Variants in LOC400499 observed in about 807,000 individuals in gnomAD.
chr16:11,414,334 C>T, the LOC400499 span: 5 of 399,374 alleles, frequency 1.3e-5, no homozygotes, highest in South Asian at 1.3e-4. Flanking sequence ...GCTCCATCCA[C>T]TCCTTACCTG....
the LOC400499 span, among the ~76,000 whole-genome samples, chr16:11,466,398 T>C: frequency 1.3e-4 from 20 of 152,164 alleles, no homozygotes; most frequent in Admixed American, 1.3e-3. Flanking sequence ...TTTAGATTTT[T>C]TTTTTTTGAG....
At chr16:11,426,347 AC>A in the LOC400499 span, among the ~76,000 whole-genome samples, 3 of 151,356 alleles carry the variant, frequency 2.0e-5, no homozygotes, top group Non-Finnish European at 4.4e-5. Context: ...AAAGTAGGAG[AC>A]TCGCTTGAAA....
At chr16:11,452,782 T>A in the LOC400499 span, among the ~76,000 whole-genome samples, 2 of 152,226 alleles carry the variant, frequency 1.3e-5, no homozygotes, top group African/African-American at 4.8e-5. Flanking sequence ...CCAGTTCTTC[T>A]CCATGCCCTT....
the LOC400499 span, among the ~76,000 whole-genome samples, chr16:11,478,917 T>C: frequency 5.3e-5 from 8 of 152,210 alleles, no homozygotes; most frequent in Admixed American, 2.0e-4. Context: ...GGGGTTTCTC[T>C]GCACAAGCTC....
the LOC400499 span, among the ~76,000 whole-genome samples, chr16:11,385,759 A>AGAAG: frequency 6.6e-6 from 1 of 152,254 alleles, no homozygotes; most frequent in Admixed American, 6.5e-5. Flanking sequence ...AGCCATGGAC[A>AGAAG]GAAGGCAGAT....
the LOC400499 span, among the ~76,000 whole-genome samples, chr16:11,506,935 C>G: frequency 6.6e-6 from 1 of 152,216 alleles, no homozygotes; most frequent in African/African-American, 2.4e-5. Flanking sequence ...TTTCTAGCAA[C>G]AGGGTCCTCA....
At chr16:11,405,829 G>T in the LOC400499 span, among the ~76,000 whole-genome samples, 1 of 152,152 alleles carries the variant, frequency 6.6e-6, no homozygotes, top group African/African-American at 2.4e-5. Context: ...AAGGCTTCTA[G>T]TAGCAGATAG....
the LOC400499 span, among the ~76,000 whole-genome samples, chr16:11,506,099 T>C: frequency 1.3e-5 from 2 of 151,980 alleles, no homozygotes; most frequent in Non-Finnish European, 2.9e-5. Flanking sequence ...TGCAGTGGAG[T>C]GATCTCGGCT....
At chr16:11,422,126 G>T in the LOC400499 span, among the ~76,000 whole-genome samples, 1 of 152,184 alleles carries the variant, frequency 6.6e-6, no homozygotes, top group South Asian at 2.1e-4. Context: ...AGCAGGCTGG[G>T]TACATGGCCC....
chr16:11,434,083 G>A, the LOC400499 span, among the ~76,000 whole-genome samples: 7 of 152,154 alleles, frequency 4.6e-5, no homozygotes, highest in Non-Finnish European at 1.0e-4. Context: ...AGGAACCTGA[G>A]TGAGGGGGAG....
At chr16:11,402,289 C>A in the LOC400499 span, 2 of 397,612 alleles carry the variant, frequency 5.0e-6, no homozygotes, top group East Asian at 3.6e-5. Flanking sequence ...GGGGGCCACA[C>A]AGCCAGATAA....
the LOC400499 span, among the ~76,000 whole-genome samples, chr16:11,434,097 C>T: frequency 1.3e-5 from 2 of 152,098 alleles, no homozygotes; most frequent in African/African-American, 4.8e-5. Flanking sequence ...GGGGGAGGAT[C>T]CCTCCTCCAG....
the LOC400499 span, among the ~76,000 whole-genome samples, chr16:11,438,780 T>C: frequency 6.6e-6 from 1 of 151,210 alleles, no homozygotes; most frequent in Non-Finnish European, 1.5e-5. Context: ...CAGAGTGAGA[T>C]CCTGTCTCAA....
the LOC400499 span, chr16:11,446,816 C>T: frequency 6.5e-7 from 1 of 1,536,134 alleles, no homozygotes; most frequent in East Asian, 2.4e-5. Flanking sequence ...TTCAGGACAA[C>T]CCTAGTCTCC....
the LOC400499 span, among the ~76,000 whole-genome samples, chr16:11,378,040 C>T: frequency 6.6e-6 from 1 of 151,976 alleles, no homozygotes; most frequent in African/African-American, 2.4e-5. Flanking sequence ...ATTCCTTCTC[C>T]TATCTTTGGG....
chr16:11,394,412 C>T, the LOC400499 span, among the ~76,000 whole-genome samples: 5 of 152,306 alleles, frequency 3.3e-5, no homozygotes, highest in East Asian at 9.6e-4. Flanking sequence ...AGCTGTGCAC[C>T]CTTCAGTAAG....
the LOC400499 span, among the ~76,000 whole-genome samples, chr16:11,434,458 CA>C: frequency 6.6e-6 from 1 of 152,084 alleles, no homozygotes. Context: ...GGCAGTCTCG[CA>C]CACTTAACAT....
the LOC400499 span, among the ~76,000 whole-genome samples, chr16:11,481,752 C>G: frequency 6.6e-6 from 1 of 152,150 alleles, no homozygotes; most frequent in Non-Finnish European, 1.5e-5. Flanking sequence ...CCTGCCTCAG[C>G]CTCCAGAATA....
the LOC400499 span, among the ~76,000 whole-genome samples, chr16:11,480,011 G>A: frequency 2.0e-5 from 3 of 152,148 alleles, no homozygotes; most frequent in African/African-American, 7.2e-5. Context: ...GCTCTATAAA[G>A]AGAAACATTG....
Sources: gnomAD v4.1 joint callset for allele counts (sites outside exome capture counted in the v4.1 genomes callset) on GRCh38, gnomAD v4.1.1 for gene constraint, MANE v1.5 for transcripts.